Variants in EPB41L4A observed in about 807,000 individuals in gnomAD.
EPB41L4A encodes the protein band 4.1-like protein 4A.
In EPB41L4A, 100 loss-of-function variants were observed where a neutral mutation model predicts 108.6. The ratio of observed to expected loss-of-function variants is 0.92; its 90% confidence interval spans 0.78 to 1.09. EPB41L4A has a LOEUF of 1.09. EPB41L4A is among the 50% of genes least tolerant of loss of function. The pLI, the probability that EPB41L4A is intolerant of heterozygous loss-of-function variation, is 0.00. For missense variants in EPB41L4A, 1,030 were observed against 842.7 expected, an observed-to-expected ratio of 1.22 and a Z score of -2.75; for synonymous variants, 319 against 289.0, an observed-to-expected ratio of 1.10 and a Z score of -1.05.
chr5:112,240,932 T>C (rs1244301961), intron 9 of EPB41L4A, 122 bp from the exon 10 acceptor site: 2 of 577,172 alleles, frequency 3.5e-6, no homozygotes, highest in Non-Finnish European at 3.0e-6. Flanking sequence ...AATATATAAA[T>C]AATAACTGTC....
intron 1 of EPB41L4A, among the ~76,000 whole-genome samples, chr5:112,390,721 C>G (rs1760879295): frequency 6.6e-6 from 1 of 152,190 alleles, no homozygotes; most frequent in South Asian, 2.1e-4. Context: ...TGTTTGAGCT[C>G]TGAGAACGGA....
rs751898965 is a variant in EPB41L4A, at chr5:112,170,365, C to G, written c.1675G>C (p.Glu559Gln). 7 of 1,603,440 alleles carry G rather than the reference C, an allele frequency of 4.4e-6. No individual in the cohort carries two copies. Among genetic ancestry groups the G allele is most frequent in the Non-Finnish European group, 6.0e-6 (7 of 1,170,846 alleles). Residue 559 changes from glutamate to glutamine, a missense_variant, in exon 20 of 23, where the codon GAA (glutamate) becomes CAA (glutamine). By Grantham distance (29) the Glu-to-Gln change is conservative. Coordinates refer to ENST00000261486, the MANE Select transcript of EPB41L4A (RefSeq NM_022140.5). ...GACAATCCGGATGGATCCACAAGTT[C>G]TTTTCTGTAAAGGAATATGCAAGAA... ...KEELWKHIQK[E>Q]LVDPSGLSEE...
At chr5:112,246,912 A>G (rs565702302) in intron 9 of EPB41L4A, among the ~76,000 whole-genome samples, 1 of 152,224 alleles carries the variant, frequency 6.6e-6, no homozygotes, top group South Asian at 2.1e-4. Context: ...AGCTCTCAAA[A>G]TCATCTTTGG....
chr5:112,307,661 A>C (rs995637896), intron 1 of EPB41L4A, among the ~76,000 whole-genome samples, 171 bp from the exon 2 acceptor site: 3 of 152,150 alleles, frequency 2.0e-5, no homozygotes, highest in African/African-American at 7.2e-5. Context: ...ACGTGATTTA[A>C]AGCAAAATGT....
At chr5:112,180,393 A>G (rs1408718209) in intron 18 of EPB41L4A, among the ~76,000 whole-genome samples, 2 of 152,212 alleles carry the variant, frequency 1.3e-5, no homozygotes, top group East Asian at 3.8e-4. Flanking sequence ...AAATAGATCA[A>G]TGAAACAAAA....
intron 1 of EPB41L4A, among the ~76,000 whole-genome samples, chr5:112,339,461 GAT>G (rs1320746225): frequency 8.3e-6 from 1 of 121,178 alleles, no homozygotes; most frequent in Non-Finnish European, 1.7e-5. Context: ...TATAGCTATA[GAT>G]ATATATATAT....
At position 112,266,596 on chromosome 5, in the gene EPB41L4A, C is replaced by T. The variant is rs569157738; in HGVS notation, c.336-266G>A. Among the ~76,000 whole-genome samples, 3 of 152,324 alleles carry T rather than the reference C, an allele frequency of 2.0e-5. No homozygotes were observed. In the South Asian group the frequency reaches 6.2e-4, roughly 32 times the overall value. ...CCCCAGCATTCAGTACCTCTGTAGC[C>T]TTAGGCTGCTGCTTAACCTCTACAA... On this transcript the variant is annotated intron_variant, in intron 4 of 22. Transcript: ENST00000261486.
chr5:112,395,469 T>C (rs1761266619), intron 1 of EPB41L4A, among the ~76,000 whole-genome samples: 1 of 152,208 alleles, frequency 6.6e-6, no homozygotes, highest in African/African-American at 2.4e-5. Flanking sequence ...AGAAGACATT[T>C]ATGCAGCCAA....
chr5:112,360,613 C>T (rs1207212500), intron 1 of EPB41L4A, among the ~76,000 whole-genome samples: 2 of 152,298 alleles, frequency 1.3e-5, no homozygotes, highest in African/African-American at 2.4e-5. Flanking sequence ...GGCGTGATCT[C>T]GGCTCGCTAC....
intron 12 of EPB41L4A, among the ~76,000 whole-genome samples, chr5:112,216,661 C>G (rs548831422): frequency 1.5e-3 from 234 of 152,264 alleles, no homozygotes; most frequent in Non-Finnish European, 2.7e-3. Context: ...TATAGCTATT[C>G]TCAACACAGT....
At chr5:112,327,910 T>G (rs896056045) in intron 1 of EPB41L4A, among the ~76,000 whole-genome samples, 3 of 152,194 alleles carry the variant, frequency 2.0e-5, no homozygotes, top group African/African-American at 7.2e-5. Flanking sequence ...CCATACATTT[T>G]CACTACATGC....
intron 12 of EPB41L4A, among the ~76,000 whole-genome samples, chr5:112,222,566 T>C (rs1748141885): frequency 6.6e-6 from 1 of 152,220 alleles, no homozygotes; most frequent in African/African-American, 2.4e-5. Flanking sequence ...CTTCAGTTCA[T>C]AGCTACTAAG....
intron 9 of EPB41L4A, chr5:112,249,156 C>T (rs979722145): frequency 6.6e-6 from 1 of 152,152 alleles, no homozygotes; most frequent in African/African-American, 2.4e-5. Flanking sequence ...AGGTTTCCTA[C>T]TGATGCTCCA....
chr5:112,250,463 T>C (rs1311966387), intron 9 of EPB41L4A, among the ~76,000 whole-genome samples: 1 of 152,208 alleles, frequency 6.6e-6, no homozygotes, highest in Non-Finnish European at 1.5e-5. Context: ...ATTTCTCTCA[T>C]ATACTTGCAG....
chr5:112,293,146 C>T (rs2150540756), intron 2 of EPB41L4A, among the ~76,000 whole-genome samples: 1 of 152,088 alleles, frequency 6.6e-6, no homozygotes, highest in Middle Eastern at 3.4e-3. Context: ...ACATTTCTAC[C>T]ATTCCTGATA....
intron 9 of EPB41L4A, among the ~76,000 whole-genome samples, chr5:112,251,101 T>A (rs1467224233): frequency 6.6e-6 from 1 of 152,138 alleles, no homozygotes; most frequent in East Asian, 1.9e-4. Context: ...CAGGACCCAA[T>A]CATTACTAAC....
intron 12 of EPB41L4A, among the ~76,000 whole-genome samples, chr5:112,225,269 G>A (rs1301866412): frequency 6.6e-6 from 1 of 152,186 alleles, no homozygotes; most frequent in East Asian, 1.9e-4. Context: ...CTGGCTTGAG[G>A]ACTTATATGC....
At chr5:112,396,293 T>C (rs1408915537) in intron 1 of EPB41L4A, among the ~76,000 whole-genome samples, 1 of 152,224 alleles carries the variant, frequency 6.6e-6, no homozygotes, top group Non-Finnish European at 1.5e-5. Flanking sequence ...TTCACTTTTA[T>C]ACAAAGGCTT....
intron 6 of EPB41L4A, chr5:112,263,315 T>C (rs1412863267): frequency 6.6e-6 from 1 of 152,162 alleles, no homozygotes. Context: ...ATCTCAAAAA[T>C]TAAGAAATCC....
Sources: allele counts gnomAD v4.1 joint callset (sites outside exome capture counted in the v4.1 genomes callset), GRCh38; gene constraint gnomAD v4.1.1; transcripts MANE v1.5; gene names NCBI Gene and HGNC (gene_info 2026-07-23, HGNC 2026-07-21).